ADCY2: variants seen among roughly 807,000 people sequenced by gnomAD.
The protein encoded by ADCY2 is adenylate cyclase type 2.
In ADCY2, 31 loss-of-function variants were observed where a neutral mutation model predicts 125.2. The ratio of observed to expected loss-of-function variants is 0.25; its 90% CI spans 0.19 to 0.33. The LOEUF (loss-of-function observed/expected upper bound fraction) is 0.33. Ranked by LOEUF, ADCY2 falls within the 10% of genes least tolerant of loss-of-function variation. The pLI is 1.00. For synonymous variants in ADCY2, 512 were observed against 548.4 expected, an observed-to-expected ratio of 0.93 and a Z score of 0.93; for missense variants, 904 against 1,418.2, an observed-to-expected ratio of 0.64 and a Z score of 5.82.
At chr5:7,504,739 G>A (rs1373199214) in intron 2 of ADCY2, among the ~76,000 whole-genome samples, 1 of 151,386 alleles carries the variant, frequency 6.6e-6, no homozygotes, top group African/African-American at 2.4e-5. Flanking sequence ...GAACTCCTGG[G>A]CTCAAAAGAT....
chr5:7,494,216 G>T lies in ADCY2; in HGVS notation c.409-26522G>T. Among the ~76,000 whole-genome samples, 2 of 152,140 alleles carry T rather than the reference G, an allele frequency of 1.3e-5. 1 individual carries two copies. Among genetic ancestry groups the T allele is most frequent in the Admixed American group, 1.3e-4 (2 of 15,278 alleles). The stretch of plus-strand genomic sequence containing the variant: ...GGGGAATCACCTGCTTCCTGCTGTT[G>T]CCCTATCTCCAGCTCAAGCCTCTGC... On this transcript the variant is annotated intron_variant, in intron 2 of 24. Transcript: ENST00000338316.
chr5:7,551,412 C>CGGTT (rs1456916994), intron 3 of ADCY2, among the ~76,000 whole-genome samples: 1 of 152,150 alleles, frequency 6.6e-6, no homozygotes, highest in Non-Finnish European at 1.5e-5. Context: ...TGAAATGACT[C>CGGTT]AACCAAGTCT....
chr5:7,689,692 C>T (rs556167272), intron 4 of ADCY2, among the ~76,000 whole-genome samples: 1 of 152,172 alleles, frequency 6.6e-6, no homozygotes, highest in East Asian at 1.9e-4. Context: ...TTCCCCTCCT[C>T]CCCTAATCCC....
chr5:7,500,006 AAAG>A (rs1387048865), intron 2 of ADCY2, among the ~76,000 whole-genome samples: 6 of 152,198 alleles, frequency 3.9e-5, no homozygotes, highest in East Asian at 1.9e-4. Flanking sequence ...GAAGGCTAAC[AAAG>A]AAGAACTCTC....
intron 3 of ADCY2, among the ~76,000 whole-genome samples, chr5:7,561,999 G>A (rs899157088): frequency 2.0e-5 from 3 of 152,112 alleles, no homozygotes; most frequent in East Asian, 3.8e-4. Context: ...CATAGACTCC[G>A]TAGTATGTAT....
At chr5:7,683,733 T>C (rs1740417181) in intron 4 of ADCY2, among the ~76,000 whole-genome samples, 1 of 152,164 alleles carries the variant, frequency 6.6e-6, no homozygotes, top group Non-Finnish European at 1.5e-5. Flanking sequence ...AGCATGTACA[T>C]AACTGCATCA....
At chr5:7,765,525 G>A (rs571368961) in intron 16 of ADCY2, among the ~76,000 whole-genome samples, 95 of 152,016 alleles carry the variant, frequency 6.2e-4, no homozygotes, top group East Asian at 3.9e-4. Context: ...ATGATATAAC[G>A]GCAGAAATAC....
chr5:7,437,238 G>A (rs1361069508), intron 2 of ADCY2, among the ~76,000 whole-genome samples: 1 of 152,164 alleles, frequency 6.6e-6, no homozygotes, highest in Non-Finnish European at 1.5e-5. Flanking sequence ...ATCTTTTTCA[G>A]CCCCCTCAAG....
intron 18 of ADCY2, among the ~76,000 whole-genome samples, chr5:7,778,809 A>G (rs1438188108): frequency 1.3e-5 from 2 of 152,206 alleles, no homozygotes; most frequent in African/African-American, 2.4e-5. Context: ...AGTCTTGAGG[A>G]AAAACAAGAA....
chr5:7,532,735 A>C (rs1304077251), intron 3 of ADCY2, among the ~76,000 whole-genome samples: 3 of 151,880 alleles, frequency 2.0e-5, no homozygotes, highest in Non-Finnish European at 4.4e-5. Flanking sequence ...AGACTGTATG[A>C]TTTCTCTCCT....
At chr5:7,557,107 C>A (rs952412799) in intron 3 of ADCY2, among the ~76,000 whole-genome samples, 1 of 139,704 alleles carries the variant, frequency 7.2e-6, no homozygotes, top group Admixed American at 7.1e-5. Flanking sequence ...AAAGTTATCT[C>A]ACCTATAAAT....
At chr5:7,471,242 T>G (rs1742326079) in intron 2 of ADCY2, among the ~76,000 whole-genome samples, 1 of 151,974 alleles carries the variant, frequency 6.6e-6, no homozygotes. Flanking sequence ...TGTCTAACTA[T>G]TTTAGAGTGA....
In ADCY2 at chr5:7,792,187, C is replaced by T. The variant is rs188589086; in HGVS notation, c.2628+2387C>T. 7.8e-3 allele frequency among the ~76,000 whole-genome samples: 961 copies of T among 123,792 alleles called. 5 individuals are homozygous for T. Among genetic ancestry groups the T allele is most frequent in the Non-Finnish European group, 0.011 (694 of 62,282 alleles). The allele number at this position is 123,792 out of a possible 152,430, so 81.2% of individuals were successfully genotyped here. On this transcript the variant is annotated intron_variant, in intron 20 of 24. Coordinates refer to ENST00000338316, the MANE Select transcript of ADCY2 (RefSeq NM_020546.3). ...AGGAGTTCAAGACCAGCCTGGCCAA[C>T]ATGGAGAAACCCCGTCTCTACTAAA... is the stretch of plus-strand genomic sequence containing the variant.
intron 3 of ADCY2, among the ~76,000 whole-genome samples, chr5:7,522,051 T>C (rs967059899): frequency 1.3e-5 from 2 of 152,126 alleles, no homozygotes; most frequent in African/African-American, 2.4e-5. Context: ...CTTTGACACA[T>C]GCTAGGAACC....
intron 4 of ADCY2, among the ~76,000 whole-genome samples, chr5:7,642,561 C>G (rs1738747639): frequency 6.6e-6 from 1 of 151,964 alleles, no homozygotes; most frequent in Non-Finnish European, 1.5e-5. Flanking sequence ...GTTTTTGTTG[C>G]AATTGGTTTT....
chr5:7,465,071 A>G (rs1417769109), intron 2 of ADCY2, among the ~76,000 whole-genome samples: 2 of 152,178 alleles, frequency 1.3e-5, no homozygotes, highest in Non-Finnish European at 2.9e-5. Flanking sequence ...CTTACTCACT[A>G]CTATGAGAAC....
At chr5:7,772,207 A>G (rs1475801936) in intron 17 of ADCY2, among the ~76,000 whole-genome samples, 2 of 152,224 alleles carry the variant, frequency 1.3e-5, no homozygotes, top group African/African-American at 4.8e-5. Flanking sequence ...ATTCAGAGCT[A>G]TCCAAAGCCT....
chr5:7,403,543 A>G (rs1579407444), intron 1 of ADCY2, among the ~76,000 whole-genome samples: 1 of 152,206 alleles, frequency 6.6e-6, no homozygotes, highest in African/African-American at 2.4e-5. Context: ...TGGCTCATTT[A>G]TAGTAAAATA....
At chr5:7,576,420 T>C (rs900871619) in intron 3 of ADCY2, among the ~76,000 whole-genome samples, 1 of 152,216 alleles carries the variant, frequency 6.6e-6, no homozygotes, top group Non-Finnish European at 1.5e-5. Flanking sequence ...GTTTTTCCGG[T>C]TGGCATTTGG....
Sources: gnomAD v4.1 joint callset for allele counts (sites outside exome capture counted in the v4.1 genomes callset) on GRCh38, gnomAD v4.1.1 for gene constraint, MANE v1.5 for transcripts, NCBI Gene and HGNC (gene_info 2026-07-23, HGNC 2026-07-21) for gene names.